Variants in CYB5R4 observed in about 807,000 individuals in gnomAD.
CYB5R4 encodes the protein N-terminal cytochrome b5 and cytochrome b5 oxidoreductase domain-containing protein.
In CYB5R4, 55 loss-of-function variants were observed where a neutral mutation model predicts 70.2. The ratio of observed to expected loss-of-function variants is 0.78; its 90% CI spans 0.63 to 0.98. CYB5R4 has a LOEUF of 0.98. Among genes scored for constraint, CYB5R4 ranks in the 50% least tolerant of loss-of-function variants. The probability of loss-of-function intolerance (pLI) is 0.00; values close to 1 mark genes in which losing one functional copy is unlikely to be tolerated. For missense variants in CYB5R4, 562 were observed against 612.6 expected (o/e 0.92, Z 0.87); for synonymous variants, 197 against 199.5 (o/e 0.99, Z 0.11).
At chr6:83,879,743 A>G (rs1331287354) in intron 2 of CYB5R4, among the ~76,000 whole-genome samples, 1 of 152,162 alleles carries the variant, frequency 6.6e-6, no homozygotes, top group Admixed American at 6.5e-5. Context: ...GAGCATCTCA[A>G]GAGGTGAAAG....
chr6:83,956,903 TAAA>T (rs34874459), intron 15 of CYB5R4, among the ~76,000 whole-genome samples: 1 of 127,754 alleles, frequency 7.8e-6, no homozygotes. Context: ...TTGGGCAAGA[TAAA>T]AAAAAAAAAA....
rs575236593 is a variant in CYB5R4, at chr6:83,933,954, A to G, written c.815-641A>G. On this transcript the variant is annotated intron_variant, in intron 10 of 15. Transcript: ENST00000369681. ...TTGACAGTTAAAATGTTCTCTAATC[A>G]TGTATATAAAATACATACACACAAA... Among the ~76,000 whole-genome samples, 10 of 152,316 alleles carry G rather than the reference A, an allele frequency of 6.6e-5. No homozygotes were observed. The South Asian group carries it at 1.4e-3, about 22-fold the overall frequency.
Position 83,936,292 on chromosome 6 carries a change from C to T in CYB5R4, c.1024C>T (p.Leu342Phe), listed in dbSNP as rs1314787007. The change falls in exon 12 of 16, where the codon CTT becomes TTT. Residue 342 changes from leucine (L) to phenylalanine (F), a missense_variant. Physicochemically the swap from Leu to Phe is conservative, Grantham distance 22. Coordinates refer to ENST00000369681, the MANE Select transcript of CYB5R4 (RefSeq NM_016230.4). ...SLLSEFKEPV[L>F]PNNKYIYFLI... ...ACTCTCAGAGTTCAAGGAACCAGTTCTTCCCAACAATAAATACATCTACTT... is the reference window on the plus strand; with the variant it reads ...ACTCTCAGAGTTCAAGGAACCAGTTTTTCCCAACAATAAATACATCTACTT... 4 of 1,611,824 alleles carry T rather than the reference C, an allele frequency of 2.5e-6. No homozygotes were observed. The Admixed American group carries it at 5.0e-5, about 20-fold the overall frequency.
intron 2 of CYB5R4, among the ~76,000 whole-genome samples, chr6:83,871,430 T>C (rs1236327176): frequency 6.6e-6 from 1 of 152,206 alleles, no homozygotes; most frequent in Non-Finnish European, 1.5e-5. Flanking sequence ...CCTGTCTTTA[T>C]CTCCTAAATT....
intron 10 of CYB5R4, among the ~76,000 whole-genome samples, chr6:83,926,067 A>T (rs1418561868): frequency 1.3e-5 from 2 of 151,990 alleles, no homozygotes; most frequent in East Asian, 1.9e-4. Context: ...TTCATTTGTT[A>T]TGGTGTCTTT....
chr6:83,926,583 A>G (rs141861713), intron 10 of CYB5R4, among the ~76,000 whole-genome samples: 1 of 152,196 alleles, frequency 6.6e-6, no homozygotes, highest in East Asian at 1.9e-4. Context: ...AGCCAACTTA[A>G]TTACCTTTTA....
At chr6:83,957,552 C>T (rs376389711) in intron 15 of CYB5R4, among the ~76,000 whole-genome samples, 68 of 136,952 alleles carry the variant, frequency 5.0e-4, no homozygotes, top group African/African-American at 1.8e-3. Flanking sequence ...ATCTAGGAGG[C>T]GGAGGTTGGC....
Position 83,965,355 on chromosome 6 carries a change from A to T in CYB5R4, c.*5477A>T, listed in dbSNP as rs1255573237. On this transcript the variant is annotated 3_prime_UTR_variant, in exon 16 of 16. Coordinates refer to ENST00000369681, the MANE Select transcript of CYB5R4 (RefSeq NM_016230.4). ...CACCTCTTGCATCAGCGTGACCTGG[A>T]TGTGAGACCTGGAGTAAAAGGAGAT... 1.3e-5 allele frequency: 2 copies of T among 152,254 alleles called. No homozygotes were observed. Among genetic ancestry groups the T allele is most frequent in the African/African-American group, 2.4e-5 (1 of 41,446 alleles). 9.4% of individuals were successfully genotyped at this position (152,254 alleles called of 1,614,324 possible).
intron 2 of CYB5R4, among the ~76,000 whole-genome samples, chr6:83,888,331 C>A (rs1294437729): frequency 6.6e-6 from 1 of 152,054 alleles, no homozygotes; most frequent in Non-Finnish European, 1.5e-5. Flanking sequence ...CTTTATTGTA[C>A]CTTGCAGGTA....
At chr6:83,947,746 C>G (rs188606695) in intron 14 of CYB5R4, among the ~76,000 whole-genome samples, 282 of 152,274 alleles carry the variant, frequency 1.9e-3, no homozygotes, top group Middle Eastern at 0.01. Flanking sequence ...TCAACAGACA[C>G]TTTCCAATAG....
chr6:83,945,490 C>A lies in CYB5R4; in HGVS notation c.1346+4889C>A, dbSNP rs927811164. 2.6e-5 allele frequency among the ~76,000 whole-genome samples: 4 copies of A among 151,966 alleles called. 1 individual carries two copies. In the South Asian group the frequency reaches 8.3e-4, roughly 32 times the overall value. The stretch of plus-strand genomic sequence containing the variant: ...AGCGGGAAAGATCTAAAATCGACAC[C>A]CTAACATCACAATGAGAAGAACTAG... On this transcript the variant is annotated intron_variant, in intron 14 of 15. Transcript: ENST00000369681.
Position 83,966,194 on chromosome 6 carries a change from T to C in CYB5R4, c.*6316T>C, listed in dbSNP as rs902970998. On this transcript the variant is annotated 3_prime_UTR_variant, in exon 16 of 16. Coordinates refer to ENST00000369681, the MANE Select transcript of CYB5R4 (RefSeq NM_016230.4). ...TGCTAAAATATTCTGAAGTTTACTG[T>C]GGTTATGGTTGCACATACTTATGAA... The C allele has an allele frequency of 6.6e-6, 1 of 152,200 alleles. No individual in the cohort carries two copies. The allele number at this position is 152,200 out of a possible 1,614,324, so 9.4% of individuals were successfully genotyped here. A position where few individuals can be genotyped will look rare whatever the true frequency, so the allele number is the denominator to read the frequency against.
At chr6:83,888,753 C>G (rs1212131745) in intron 2 of CYB5R4, among the ~76,000 whole-genome samples, 1 of 152,142 alleles carries the variant, frequency 6.6e-6, no homozygotes, top group African/African-American at 2.4e-5. Flanking sequence ...AAATAAAAAA[C>G]TAGAAACGAT....
chr6:83,962,357 A>G lies in CYB5R4; in HGVS notation c.*2479A>G, dbSNP rs1228741965. The G allele has an allele frequency of 3.3e-5, 5 of 152,192 alleles. No individual in the cohort carries two copies. Among genetic ancestry groups the G allele is most frequent in the African/African-American group, 1.2e-4 (5 of 41,450 alleles). The allele number at this position is 152,192 out of a possible 1,614,324, so 9.4% of individuals were successfully genotyped here. On this transcript the variant is annotated 3_prime_UTR_variant, in exon 16 of 16. Transcript: ENST00000369681. ...TCAGTCTTCCAATGAATGCAACCAA[A>G]TACTGAGGAGCACAGATAGGAGTAT...
chr6:83,946,535 AC>A (rs1381462764), intron 14 of CYB5R4, among the ~76,000 whole-genome samples: 1 of 151,964 alleles, frequency 6.6e-6, no homozygotes, highest in Non-Finnish European at 1.5e-5. Context: ...CCCTCTCACC[AC>A]TCCTATTCAA....
chr6:83,924,640 TGTTA>T (rs774592682), intron 10 of CYB5R4, 48 bp downstream of exon 10: 14 of 1,591,102 alleles, frequency 8.8e-6, no homozygotes, highest in Non-Finnish European at 1.0e-5. Context: ...ATGAAATTGT[TGTTA>T]GTTGTACAGT....
intron 3 of CYB5R4, among the ~76,000 whole-genome samples, chr6:83,899,772 T>C (rs202030545): frequency 1.3e-5 from 2 of 152,230 alleles, no homozygotes; most frequent in East Asian, 3.8e-4. Context: ...TATAGTATTC[T>C]CTGATGGTAG....
At chr6:83,913,589 G>A (rs549547626) in intron 4 of CYB5R4, among the ~76,000 whole-genome samples, 1 of 152,254 alleles carries the variant, frequency 6.6e-6, no homozygotes. Flanking sequence ...GATGAGTGAA[G>A]TGTAATTAAT....
chr6:83,925,649 T>A (rs922170602), intron 10 of CYB5R4, among the ~76,000 whole-genome samples: 1 of 152,306 alleles, frequency 6.6e-6, no homozygotes, highest in Admixed American at 6.5e-5. Flanking sequence ...AGAACATGGA[T>A]GATTTTTCAT....
Sources: gnomAD v4.1 joint callset for allele counts (sites outside exome capture counted in the v4.1 genomes callset) on GRCh38, gnomAD v4.1.1 for gene constraint, MANE v1.5 for transcripts, NCBI Gene and HGNC (gene_info 2026-07-23, HGNC 2026-07-21) for gene names.